WDPCP: variants seen among roughly 807,000 people sequenced by gnomAD.
WDPCP encodes WD repeat-containing and planar cell polarity effector protein fritz homolog.
A neutral mutation model predicts 93.1 loss-of-function variants in WDPCP; 71 were observed. The ratio of observed to expected loss-of-function variants is 0.76; its 90% CI spans 0.63 to 0.93. The LOEUF (loss-of-function observed/expected upper bound fraction) is 0.93. WDPCP is among the 40% of genes least tolerant of loss of function. The probability of loss-of-function intolerance (pLI) is 0.00; values close to 1 mark genes in which losing one functional copy is unlikely to be tolerated. For synonymous variants in WDPCP, 315 were observed against 315.0 expected (o/e 1.00, Z 0.00); for missense variants, 844 against 887.4 (o/e 0.95, Z 0.62).
chr2:63,722,805 C>T (rs1287025658), intron 2 of WDPCP, among the ~76,000 whole-genome samples: 4 of 152,028 alleles, frequency 2.6e-5, no homozygotes, highest in African/African-American at 9.7e-5. Flanking sequence ...TCATTGAGAA[C>T]GGGCCAGGAT....
intron 13 of WDPCP, among the ~76,000 whole-genome samples, chr2:63,292,511 C>G (rs909830983): frequency 6.6e-6 from 1 of 152,144 alleles, no homozygotes; most frequent in African/African-American, 2.4e-5. Context: ...TAGTATTTCT[C>G]AGAACTGTGA....
chr2:63,416,675 C>T (rs1222935365), intron 9 of WDPCP, among the ~76,000 whole-genome samples: 1 of 152,042 alleles, frequency 6.6e-6, no homozygotes, highest in African/African-American at 2.4e-5. Context: ...AGGTCCCCGC[C>T]ACCACGTCCA....
chr2:63,792,695 G>T (rs1670561998), intron 2 of WDPCP, among the ~76,000 whole-genome samples: 1 of 152,154 alleles, frequency 6.6e-6, no homozygotes, highest in African/African-American at 2.4e-5. Context: ...CTGGAATACA[G>T]ACAGAGGACA....
intron 17 of WDPCP, among the ~76,000 whole-genome samples, chr2:63,124,705 G>A (rs1357206305): frequency 6.6e-6 from 1 of 152,114 alleles, no homozygotes; most frequent in Non-Finnish European, 1.5e-5. Context: ...TTAAATCCCA[G>A]AAGTATAATA....
Position 63,609,994 on chromosome 2 carries a change from G to A in WDPCP, n.488+40665C>T, listed in dbSNP as rs548879741. On this transcript the variant is annotated intron_variant and non_coding_transcript_variant, in intron 3 of 4. Coordinates refer to the WDPCP transcript ENST00000467687. ...ACTTTGCCTTTGAAGCATGGGTTTCGGTTTGAATATTCACACTGTGAAACT... is the reference window on the plus strand; with the variant it reads ...ACTTTGCCTTTGAAGCATGGGTTTCAGTTTGAATATTCACACTGTGAAACT... Among the ~76,000 whole-genome samples, 16 of 152,148 alleles carry A rather than the reference G, an allele frequency of 1.1e-4. No homozygotes were observed. In the South Asian group the frequency reaches 2.1e-3, roughly 20 times the overall value.
At chr2:63,802,413 C>A (rs1449945547) in intron 2 of WDPCP, among the ~76,000 whole-genome samples, 1 of 149,146 alleles carries the variant, frequency 6.7e-6, no homozygotes, top group Admixed American at 6.7e-5. Context: ...CCCATAGATA[C>A]CAAACACCAT....
chr2:63,454,477 A>G (rs1340115417), intron 6 of WDPCP, among the ~76,000 whole-genome samples: 1 of 151,988 alleles, frequency 6.6e-6, no homozygotes, highest in East Asian at 1.9e-4. Flanking sequence ...TGTTGTGCAC[A>G]TGTACCCCAG....
intron 2 of WDPCP, among the ~76,000 whole-genome samples, chr2:63,735,616 C>A (rs556936889): frequency 6.6e-6 from 1 of 152,046 alleles, no homozygotes; most frequent in South Asian, 2.1e-4. Context: ...AACTTGTAAT[C>A]CAAGTATAAA....
rs764322254 is a variant in WDPCP, at chr2:63,605,891, G to A, written n.488+44768C>T. 2.1e-6 allele frequency: 3 copies of A among 1,450,464 alleles called. No individual in the cohort carries two copies. In the South Asian group the frequency reaches 3.4e-5, roughly 17 times the overall value. The allele number at this position is 1,450,464 out of a possible 1,614,324, so 89.8% of individuals were successfully genotyped here. On this transcript the variant is annotated intron_variant and non_coding_transcript_variant, in intron 3 of 4. Transcript: ENST00000467687. ...TTTAATTTTATTAGTTCATGTGTCA[G>A]TTGTGTAAACTAATCATCATGAGTA...
intron 6 of WDPCP, among the ~76,000 whole-genome samples, chr2:63,466,016 C>T (rs1699327069): frequency 1.3e-5 from 2 of 152,042 alleles, no homozygotes; most frequent in Non-Finnish European, 2.9e-5. Flanking sequence ...AGTTTGGGAA[C>T]TTTAGGTCTA....
intron 12 of WDPCP, among the ~76,000 whole-genome samples, chr2:63,361,175 A>T (rs188451439): frequency 2.1e-3 from 316 of 152,358 alleles, no homozygotes; most frequent in Non-Finnish European, 3.8e-3. Context: ...GTTCTTTAAA[A>T]GTAACTGTGA....
chr2:63,173,133 T>G (rs747666229), intron 15 of WDPCP, among the ~76,000 whole-genome samples: 17 of 151,964 alleles, frequency 1.1e-4, no homozygotes, highest in Admixed American at 5.2e-4. Flanking sequence ...CAGGGCACAG[T>G]GGTGGGCACC....
rs114518185 is a variant in WDPCP, at chr2:63,815,793, A to G, written n.223-2086T>C. ...CATATGAGATAAATGTATCAAATTT[A>G]GCCTAGGTGATAGCTGCAAGTACTA... is the stretch of plus-strand genomic sequence containing the variant. On this transcript the variant is annotated intron_variant and non_coding_transcript_variant, in intron 1 of 4. Coordinates refer to the WDPCP transcript ENST00000467687. 4.3e-3 allele frequency among the ~76,000 whole-genome samples: 653 copies of G among 152,346 alleles called. 7 individuals carry two copies. The highest frequency in any genetic ancestry group is 0.014 in the African/African-American group (599 of 41,568).
intron 1 of WDPCP, among the ~76,000 whole-genome samples, chr2:63,577,709 T>C (rs554514789): frequency 6.6e-6 from 1 of 152,266 alleles, no homozygotes; most frequent in Admixed American, 6.5e-5. Flanking sequence ...ACAAATATAC[T>C]TGATATGAAA....
intron 1 of WDPCP, among the ~76,000 whole-genome samples, chr2:63,570,362 C>T (rs1202001194): frequency 6.6e-6 from 1 of 152,172 alleles, no homozygotes; most frequent in Admixed American, 6.5e-5. Context: ...TGTTTATGTC[C>T]TTCCCCACCA....
At chr2:63,439,926 C>T in intron 6 of WDPCP, 55 bp from the exon 7 acceptor site, 2 of 1,346,104 alleles carry the variant, frequency 1.5e-6, no homozygotes, top group Non-Finnish European at 1.1e-6. Flanking sequence ...GATTTAGAAT[C>T]TTTAAAAAAC....
In WDPCP at chr2:63,382,110, G is replaced by T; in HGVS notation, c.1436-16C>A. ...GTGAAGACGCCTATCACAAAACATG[G>T]AAAACCAGGTGAATCTTTTAAAATA... On this transcript the variant is annotated splice_polypyrimidine_tract_variant and intron_variant, in intron 10 of 17. Transcript: ENST00000272321. The T allele has an allele frequency of 6.2e-7, 1 of 1,609,468 alleles. No homozygotes were observed. The highest frequency in any genetic ancestry group is 1.1e-5 in the South Asian group (1 of 90,518).
chr2:63,684,445 C>A, intron 2 of WDPCP: 1 of 844,510 alleles, frequency 1.2e-6, no homozygotes, highest in South Asian at 1.3e-5. Context: ...CTGGAATTGA[C>A]TGCTACCCCC....
chr2:63,436,308 G>T (rs1248087403), intron 8 of WDPCP, among the ~76,000 whole-genome samples: 1 of 151,970 alleles, frequency 6.6e-6, no homozygotes, highest in Non-Finnish European at 1.5e-5. Context: ...AGGTTTTATA[G>T]AAGTTTCACA....
Sources: gnomAD v4.1 joint callset for allele counts (sites outside exome capture counted in the v4.1 genomes callset) on GRCh38, gnomAD v4.1.1 for gene constraint, MANE v1.5 for transcripts, NCBI Gene and HGNC (gene_info 2026-07-23, HGNC 2026-07-21) for gene names.